The following CAND2 variants were observed in gnomAD, a reference collection of about 807,000 sequenced individuals.
CAND2 encodes cullin-associated NEDD8-dissociated protein 2.
CAND2 carries 62 observed loss-of-function variants against 98.9 expected under a neutral mutation model. The ratio of observed to expected loss-of-function variants is 0.63; its 90% CI spans 0.51 to 0.77. The LOEUF (loss-of-function observed/expected upper bound fraction) is 0.77, where lower values mean the gene tolerates loss of function less well. Among genes scored for constraint, CAND2 ranks in the 30% least tolerant of loss-of-function variants. The probability of loss-of-function intolerance (pLI) is 0.00; values close to 1 mark genes in which losing one functional copy is unlikely to be tolerated. For synonymous variants in CAND2, 770 were observed against 731.9 expected (o/e 1.05, Z -0.84); for missense variants, 1,501 against 1,655.2 (o/e 0.91, Z 1.62).
At chr3:12,810,373 AG>A in intron 5 of CAND2, 49 bp downstream of exon 5, 5 of 1,370,676 alleles carry the variant, frequency 3.6e-6, no homozygotes, top group Non-Finnish European at 4.7e-6. Context: ...GGCGGAGCTT[AG>A]GGTGAGCCAA....
chr3:12,809,590 C>G (rs964473670), intron 4 of CAND2, among the ~76,000 whole-genome samples: 4 of 152,108 alleles, frequency 2.6e-5, no homozygotes, highest in Admixed American at 2.6e-4. Flanking sequence ...AAACCATTGT[C>G]TGGTGTTGCC....
chr3:12,800,267 G>A (rs1197283571), intron 1 of CAND2, among the ~76,000 whole-genome samples: 2 of 152,156 alleles, frequency 1.3e-5, no homozygotes, highest in South Asian at 2.1e-4. Flanking sequence ...ATAGGTCATC[G>A]ACCAGTCCAC....
intron 13 of CAND2, among the ~76,000 whole-genome samples, chr3:12,829,306 C>T (rs978323886): frequency 1.1e-4 from 17 of 152,088 alleles, no homozygotes; most frequent in East Asian, 5.8e-4. Flanking sequence ...CCACCACGCT[C>T]GGCTAATTTT....
intron 5 of CAND2, among the ~76,000 whole-genome samples, chr3:12,812,262 C>T (rs2061858276): frequency 9.5e-6 from 1 of 105,714 alleles, no homozygotes. Flanking sequence ...CTCGCTCTGT[C>T]CCCCAGGCTG....
chr3:12,811,594 C>T (rs368693891), intron 5 of CAND2, among the ~76,000 whole-genome samples: 8 of 152,192 alleles, frequency 5.3e-5, no homozygotes, highest in South Asian at 2.1e-4. Context: ...TTTTTTGAGA[C>T]GGAGTCTCGC....
At position 12,815,427 on chromosome 3, in the gene CAND2, T is replaced by C. The variant is rs531827651; in HGVS notation, c.1293T>C (p.Arg431=). 3 of 1,607,322 alleles carry C rather than the reference T, an allele frequency of 1.9e-6. No homozygotes were observed. Residue 431 remains arginine (R), a synonymous_variant, in exon 8 of 15, where the codon CGT becomes CGC. Coordinates refer to ENST00000456430, the MANE Select transcript of CAND2 (RefSeq NM_001162499.2). This position sits in a 1 kb window ranked among gnomAD's most constrained non-coding sequence, Gnocchi z 5.7. The stretch of plus-strand genomic sequence containing the variant: ...CCGGCAGCAACCTCCATATGCTACG[T>C]GGACAGGTGGGCGTGCCTTCACCTC... The part of the protein sequence containing the change: ...TQTGSNLHML[R]GQVPLVVKAL...
At chr3:12,830,633 G>A (rs760959629) in intron 13 of CAND2, among the ~76,000 whole-genome samples, 72 of 152,252 alleles carry the variant, frequency 4.7e-4, no homozygotes, top group Non-Finnish European at 2.9e-4. Flanking sequence ...CTGGGGTGAG[G>A]AGGGTGGGTG....
chr3:12,821,406 TAAA>T (rs542971750), intron 11 of CAND2, among the ~76,000 whole-genome samples: 1 of 150,594 alleles, frequency 6.6e-6, no homozygotes, highest in Non-Finnish European at 1.5e-5. Flanking sequence ...GTCTCATAAA[TAAA>T]AAAAAAGGAA....
intron 4 of CAND2, 91 bp from the exon 5 acceptor site, chr3:12,809,968 A>C: frequency 7.4e-7 from 1 of 1,353,882 alleles, no homozygotes; most frequent in Non-Finnish European, 9.6e-7. Context: ...AATCCTGGGA[A>C]GGAGGCCGGG....
At chr3:12,830,304 G>A (rs559755125) in intron 13 of CAND2, among the ~76,000 whole-genome samples, 34 of 152,334 alleles carry the variant, frequency 2.2e-4, no homozygotes, top group African/African-American at 6.5e-4. Flanking sequence ...CAAACTAGTG[G>A]AAAATGATGG....
intron 7 of CAND2, among the ~76,000 whole-genome samples, chr3:12,814,188 CTG>C (rs1017235280): frequency 6.6e-6 from 1 of 152,212 alleles, no homozygotes; most frequent in Non-Finnish European, 1.5e-5. Flanking sequence ...CCGTGGCCCA[CTG>C]TGGCTGTCCA....
intron 4 of CAND2, 28 bp from the exon 5 acceptor site, chr3:12,810,031 C>A (rs769703064): frequency 1.4e-4 from 189 of 1,386,048 alleles, no homozygotes; most frequent in Non-Finnish European, 1.7e-4. Flanking sequence ...GGAGTGCGAT[C>A]GGCCTGATGC....
rs375894875 is a variant in CAND2 at position 12,816,051 on chromosome 3, T to TCCAGAAC, written c.1441+49_1441+55dup. 1.3e-3 allele frequency: 2,011 copies of TCCAGAAC among 1,587,686 alleles called. 24 individuals are homozygous for TCCAGAAC. The African/African-American group carries it at 0.024, about 19-fold the overall frequency. ...CAGGTATCTGCTGTTCTGGGCCACT[T>TCCAGAAC]CCAGAACCCAGACCCCACCCCTGAG... is the stretch of plus-strand genomic sequence containing the variant. On this transcript the variant is annotated intron_variant, in intron 9 of 14. Transcript: ENST00000456430.
intron 11 of CAND2, among the ~76,000 whole-genome samples, chr3:12,820,972 G>A (rs11712981): frequency 0.021 from 3,226 of 152,260 alleles, 52 homozygotes; most frequent in Non-Finnish European, 0.03. Context: ...GGTGGCTCTC[G>A]CCTGTAATCC....
chr3:12,811,460 T>A (rs1335297786), intron 5 of CAND2, among the ~76,000 whole-genome samples: 2 of 152,202 alleles, frequency 1.3e-5, no homozygotes, highest in Admixed American at 1.3e-4. Context: ...CCTCCCTTTC[T>A]CCTATCCAAG....
intron 1 of CAND2, among the ~76,000 whole-genome samples, 191 bp from the exon 2 acceptor site, chr3:12,803,297 C>A (rs1373348675): frequency 3.3e-5 from 5 of 152,066 alleles, no homozygotes; most frequent in Non-Finnish European, 7.4e-5. Flanking sequence ...CGGCCAGCTC[C>A]ATTATAATCT....
chr3:12,818,293 A>G (rs1264499685), intron 10 of CAND2, among the ~76,000 whole-genome samples: 1 of 151,962 alleles, frequency 6.6e-6, no homozygotes, highest in Non-Finnish European at 1.5e-5. Flanking sequence ...AAACCTCATG[A>G]TGCCAACTTC....
At chr3:12,818,291 T>C (rs1291251897) in intron 10 of CAND2, among the ~76,000 whole-genome samples, 1 of 151,652 alleles carries the variant, frequency 6.6e-6, no homozygotes, top group Non-Finnish European at 1.5e-5. Flanking sequence ...AAAAACCTCA[T>C]GATGCCAACT....
intron 14 of CAND2, among the ~76,000 whole-genome samples, chr3:12,832,966 C>T (rs951747117): frequency 2.6e-5 from 4 of 152,190 alleles, no homozygotes; most frequent in Admixed American, 6.5e-5. Context: ...GGACTTGTGT[C>T]GTTTAATCCT....
Sources: gnomAD v4.1 joint callset for allele counts (sites outside exome capture counted in the v4.1 genomes callset) on GRCh38, gnomAD v4.1.1 for gene constraint, Gnocchi (gnomAD v3.1) non-coding constraint, MANE v1.5 for transcripts, NCBI Gene and HGNC (gene_info 2026-07-23, HGNC 2026-07-21) for gene names.